The following SEM1 variants were observed in gnomAD, a reference collection of about 807,000 sequenced individuals.
The protein encoded by SEM1 is SEM1 26S proteasome subunit.
A neutral mutation model predicts 12.7 loss-of-function variants in SEM1; 3 were observed. The ratio of observed to expected loss-of-function variants is 0.24; its 90% CI spans 0.11 to 0.61. SEM1 has a LOEUF of 0.61. Among genes scored for constraint, SEM1 ranks in the 20% least tolerant of loss-of-function variants. The pLI, the probability that SEM1 is intolerant of heterozygous loss-of-function variation, is 0.88. For missense variants in SEM1, 59 were observed against 81.3 expected (o/e 0.73, Z 1.06); for synonymous variants, 30 against 27.8 (o/e 1.08, Z -0.25).
At chr7:96,496,668 T>A (rs1386847124), upstream of SEM1, among the ~76,000 whole-genome samples, 2 of 152,172 alleles carry the variant, frequency 1.3e-5, no homozygotes, top group Non-Finnish European at 2.9e-5. Flanking sequence ...TTAAGAGTAA[T>A]TTTTATTAGA....
upstream of SEM1, among the ~76,000 whole-genome samples, chr7:96,499,180 T>A (rs936990885): frequency 6.6e-6 from 1 of 152,062 alleles, no homozygotes; most frequent in Non-Finnish European, 1.5e-5. Context: ...TCCATAGTTA[T>A]GTCAAGAAAT....
chr7:96,709,045 C>T (rs530063004), intron 1 of SEM1, among the ~76,000 whole-genome samples: 1 of 152,216 alleles, frequency 6.6e-6, no homozygotes, highest in South Asian at 2.1e-4. Flanking sequence ...GAACTCCTGA[C>T]CTTATGTGAT....
At chr7:96,527,163 A>C (rs1194565105) in intron 2 of SEM1, among the ~76,000 whole-genome samples, 1 of 152,088 alleles carries the variant, frequency 6.6e-6, no homozygotes, top group Admixed American at 6.6e-5. Context: ...GAAGGGAAAC[A>C]TGCAATGAAG....
chr7:96,565,589 A>G (rs1165688181), intron 2 of SEM1, among the ~76,000 whole-genome samples: 2 of 151,940 alleles, frequency 1.3e-5, no homozygotes, highest in Non-Finnish European at 2.9e-5. Flanking sequence ...AGAACAAAAT[A>G]TACTCTTACC....
rs116617540 is a variant in SEM1, at chr7:96,630,157, C to T, written c.171-7514G>A. ...GCTGCAGCTTATGTTCGCTTAAGGC[C>T]CTAGGGCTCTACACTTAGCAGGTGG... On this transcript the variant is annotated intron_variant, in intron 2 of 2. Coordinates refer to the SEM1 transcript ENST00000417009. 3.6e-3 allele frequency among the ~76,000 whole-genome samples: 545 copies of T among 152,294 alleles called. 4 individuals are homozygous for T. Among genetic ancestry groups the T allele is most frequent in the African/African-American group, 0.013 (525 of 41,564 alleles).
exon 4 of SEM1, chr7:96,483,394 T>G: frequency 6.0e-6 from 1 of 168,004 alleles, no homozygotes; most frequent in Non-Finnish European, 1.3e-5. Context: ...ACAGCAGAAG[T>G]GGAAAGACTC....
intron 2 of SEM1, among the ~76,000 whole-genome samples, chr7:96,644,177 T>A (rs757486394): frequency 6.6e-6 from 1 of 152,132 alleles, no homozygotes; most frequent in Non-Finnish European, 1.5e-5. Flanking sequence ...TTAGACATGC[T>A]CAGAAAGCCT....
At chr7:96,555,756 T>C (rs1208402667) in intron 2 of SEM1, among the ~76,000 whole-genome samples, 2 of 143,780 alleles carry the variant, frequency 1.4e-5, no homozygotes, top group African/African-American at 5.3e-5. Context: ...GTTGACTTTC[T>C]GTCTCGTTGA....
At chr7:96,515,852 A>T (rs1406643329) in intron 2 of SEM1, among the ~76,000 whole-genome samples, 2 of 152,104 alleles carry the variant, frequency 1.3e-5, no homozygotes, top group Non-Finnish European at 2.9e-5. Flanking sequence ...CAGGGCAGGG[A>T]ACATCACACA....
downstream of SEM1, among the ~76,000 whole-genome samples, chr7:96,621,078 A>G (rs1462535071): frequency 6.6e-6 from 1 of 152,126 alleles, no homozygotes; most frequent in East Asian, 1.9e-4. Flanking sequence ...TGTATTCATT[A>G]TGTTCCCACC....
intron 2 of SEM1, among the ~76,000 whole-genome samples, chr7:96,580,959 A>G (rs1806379687): frequency 6.6e-6 from 1 of 152,036 alleles, no homozygotes; most frequent in Non-Finnish European, 1.5e-5. Flanking sequence ...GCTGTGCAGA[A>G]GCTCTTTAGT....
intron 2 of SEM1, chr7:96,645,771 T>C: frequency 5.0e-6 from 2 of 398,318 alleles, no homozygotes; most frequent in Non-Finnish European, 8.9e-6. Flanking sequence ...GATGGATGGA[T>C]GGATTAGAGG....
At chr7:96,660,165 A>T (rs1055919949) in intron 2 of SEM1, among the ~76,000 whole-genome samples, 3 of 152,170 alleles carry the variant, frequency 2.0e-5, no homozygotes, top group African/African-American at 4.8e-5. Context: ...ACAGCAGATG[A>T]GATAGACCTT....
At chr7:96,668,979 T>C (rs530182841), downstream of SEM1, among the ~76,000 whole-genome samples, 1 of 152,186 alleles carries the variant, frequency 6.6e-6, no homozygotes, top group South Asian at 2.1e-4. Context: ...CCAGGGAACA[T>C]GCAAACCACC....
chr7:96,553,569 C>T (rs1256570869), intron 2 of SEM1, among the ~76,000 whole-genome samples: 1 of 152,140 alleles, frequency 6.6e-6, no homozygotes, highest in Admixed American at 6.5e-5. Flanking sequence ...TGTTTTGGTA[C>T]CAGTACCATG....
chr7:96,656,876 T>TATATATACACACAC (rs891240099), intron 2 of SEM1, among the ~76,000 whole-genome samples: 25 of 139,852 alleles, frequency 1.8e-4, no homozygotes, highest in African/African-American at 6.7e-4. Context: ...TATATATATA[T>TATATATACACACAC]ACACACACAC....
chr7:96,597,160 C>T lies in SEM1; in HGVS notation c.171-90462G>A, dbSNP rs551184628. 9.4e-4 allele frequency among the ~76,000 whole-genome samples: 143 copies of T among 152,162 alleles called. No individual in the cohort carries two copies. In the South Asian group the frequency reaches 0.012, roughly 13 times the overall value. On this transcript the variant is annotated intron_variant and NMD_transcript_variant, in intron 2 of 3. Coordinates refer to the SEM1 transcript ENST00000466986. Reference sequence around the variant, plus strand: ...CTGAGCATACTGTCATAGTCAGGGCCGGATTATTCAATGCCTTAACCATCT... The same window carrying T: ...CTGAGCATACTGTCATAGTCAGGGCTGGATTATTCAATGCCTTAACCATCT...
At chr7:96,617,138 A>T (rs951832407) in intron 2 of SEM1, among the ~76,000 whole-genome samples, 5 of 152,150 alleles carry the variant, frequency 3.3e-5, no homozygotes, top group African/African-American at 7.2e-5. Flanking sequence ...TGCTTTGGAC[A>T]GTAAGGTATT....
intron 2 of SEM1, among the ~76,000 whole-genome samples, chr7:96,642,903 C>T: frequency 6.6e-6 from 1 of 151,848 alleles, no homozygotes; most frequent in East Asian, 1.9e-4. Context: ...TTTCTATGGG[C>T]CCTAATTTGG....
Sources: gnomAD v4.1 joint callset for allele counts (sites outside exome capture counted in the v4.1 genomes callset) on GRCh38, gnomAD v4.1.1 for gene constraint, MANE v1.5 for transcripts, NCBI Gene and HGNC (gene_info 2026-07-23, HGNC 2026-07-21) for gene names.